ST6GALNAC5: variants seen among roughly 807,000 people sequenced by gnomAD.
ST6GALNAC5 encodes the protein alpha-N-acetylgalactosaminide alpha-2,6-sialyltransferase 5.
Under a neutral mutation model 33.6 loss-of-function variants are expected in ST6GALNAC5, and 27 were observed. The ratio of observed to expected loss-of-function variants is 0.80; its 90% CI spans 0.59 to 1.11. ST6GALNAC5 has a LOEUF of 1.11. Among genes scored for constraint, ST6GALNAC5 ranks in the 50% least tolerant of loss-of-function variants. The probability of loss-of-function intolerance (pLI) is 0.00; values close to 1 mark genes in which losing one functional copy is unlikely to be tolerated. For missense variants in ST6GALNAC5, 428 were observed against 454.0 expected (o/e 0.94, Z 0.52); for synonymous variants, 194 against 171.2 (o/e 1.13, Z -1.04).
intron 2 of ST6GALNAC5, among the ~76,000 whole-genome samples, chr1:77,001,094 G>C (rs1264427482): frequency 6.6e-6 from 1 of 151,938 alleles, no homozygotes; most frequent in Admixed American, 6.6e-5. Flanking sequence ...GTATGGTCAT[G>C]TTCACGATAT....
intron 2 of ST6GALNAC5, among the ~76,000 whole-genome samples, chr1:76,899,424 G>A (rs111804336): frequency 5.3e-5 from 8 of 152,028 alleles, no homozygotes; most frequent in African/African-American, 1.9e-4. Flanking sequence ...ATAAGGGATC[G>A]GGGCACAGAG....
chr1:76,938,618 C>T (rs568781331), intron 2 of ST6GALNAC5, among the ~76,000 whole-genome samples: 2 of 152,050 alleles, frequency 1.3e-5, no homozygotes, highest in Non-Finnish European at 2.9e-5. Flanking sequence ...TCCTCTGCCC[C>T]CCTTCAAACA....
intron 2 of ST6GALNAC5, among the ~76,000 whole-genome samples, chr1:76,872,340 T>C (rs1292631624): frequency 1.3e-5 from 2 of 152,148 alleles, no homozygotes; most frequent in Non-Finnish European, 2.9e-5. Flanking sequence ...GACTGCCCTT[T>C]ACTGAAATGG....
At chr1:76,992,352 T>A (rs141366944) in intron 2 of ST6GALNAC5, among the ~76,000 whole-genome samples, 2,866 of 152,330 alleles carry the variant, frequency 0.019, 44 homozygotes, top group Non-Finnish European at 0.029. Flanking sequence ...TGCCACCACC[T>A]TCACATAGGT....
chr1:76,955,813 T>C (rs2100343164), intron 2 of ST6GALNAC5, among the ~76,000 whole-genome samples: 1 of 152,324 alleles, frequency 6.6e-6, no homozygotes, highest in South Asian at 2.1e-4. Context: ...AAGTGTCCTC[T>C]GACTTATTGA....
chr1:76,915,696 G>T (rs1450358357), intron 2 of ST6GALNAC5, among the ~76,000 whole-genome samples: 1 of 148,772 alleles, frequency 6.7e-6, no homozygotes, highest in Non-Finnish European at 1.5e-5. Flanking sequence ...ACTGTTGTGG[G>T]GTGAGGGGAG....
chr1:76,922,441 A>T (rs948257095), intron 2 of ST6GALNAC5, among the ~76,000 whole-genome samples: 2 of 152,184 alleles, frequency 1.3e-5, no homozygotes, highest in Admixed American at 1.3e-4. Context: ...CCCCAAATTT[A>T]TCTATAGATT....
intron 2 of ST6GALNAC5, among the ~76,000 whole-genome samples, chr1:76,902,416 T>G (rs1646826412): frequency 6.6e-6 from 1 of 152,116 alleles, no homozygotes; most frequent in African/African-American, 2.4e-5. Context: ...ACAAGAAGAT[T>G]TTAATCTTGT....
At chr1:76,907,221 T>G (rs1467039425) in intron 2 of ST6GALNAC5, among the ~76,000 whole-genome samples, 3 of 152,084 alleles carry the variant, frequency 2.0e-5, no homozygotes, top group Non-Finnish European at 4.4e-5. Context: ...ACCAAAACCA[T>G]TCTTTGGGTT....
intron 2 of ST6GALNAC5, among the ~76,000 whole-genome samples, chr1:76,894,007 GC>G (rs1654070047): frequency 6.6e-6 from 1 of 152,128 alleles, no homozygotes; most frequent in Non-Finnish European, 1.5e-5. Flanking sequence ...CTGAGATGTG[GC>G]CATGGCACAC....
At chr1:77,053,693 G>A (rs1016367195) in intron 4 of ST6GALNAC5, among the ~76,000 whole-genome samples, 1 of 152,122 alleles carries the variant, frequency 6.6e-6, no homozygotes, top group Non-Finnish European at 1.5e-5. Context: ...GAGTTTATAC[G>A]ATAATTGCAT....
intron 2 of ST6GALNAC5, among the ~76,000 whole-genome samples, chr1:76,879,083 G>A (rs1201644672): frequency 6.6e-6 from 1 of 152,130 alleles, no homozygotes; most frequent in African/African-American, 2.4e-5. Flanking sequence ...AAAAACATAA[G>A]TGCTGCCCTC....
At chr1:77,001,804 G>A (rs546051061) in intron 2 of ST6GALNAC5, among the ~76,000 whole-genome samples, 8,726 of 149,900 alleles carry the variant, frequency 0.058, 489 homozygotes, top group African/African-American at 0.14. Context: ...ATTTATTTGC[G>A]TATATTGAAC....
intron 2 of ST6GALNAC5, among the ~76,000 whole-genome samples, chr1:76,948,626 A>AGAGAGAGAGAGAGAGAG (rs56311943): frequency 5.4e-5 from 8 of 148,244 alleles, no homozygotes; most frequent in South Asian, 2.2e-4. Context: ...AGAGAGAGAG[A>AGAGAGAGAGAGAGAGAG]ACTACTGAAA....
intron 4 of ST6GALNAC5, among the ~76,000 whole-genome samples, chr1:77,052,059 G>A (rs1652237925): frequency 6.6e-6 from 1 of 152,178 alleles, no homozygotes; most frequent in South Asian, 2.1e-4. Flanking sequence ...TACTAACAAA[G>A]AAATTAAGAT....
chr1:76,867,846 G>T (rs978082560), intron 1 of ST6GALNAC5, among the ~76,000 whole-genome samples, 156 bp downstream of exon 1: 2 of 151,922 alleles, frequency 1.3e-5, no homozygotes, highest in East Asian at 2.0e-4. Context: ...GTTCCCTCCC[G>T]ATTCTCCAGC....
chr1:77,045,461 A>G (rs1245196896), intron 3 of ST6GALNAC5, among the ~76,000 whole-genome samples: 1 of 152,254 alleles, frequency 6.6e-6, no homozygotes, highest in Non-Finnish European at 1.5e-5. Context: ...CTGTGAATGT[A>G]AAATAAATAT....
chr1:76,981,305 G>A (rs1649242058), intron 2 of ST6GALNAC5, among the ~76,000 whole-genome samples: 1 of 152,222 alleles, frequency 6.6e-6, no homozygotes, highest in Non-Finnish European at 1.5e-5. Context: ...CTTTTCCCAA[G>A]GTCTTAGCAA....
chr1:76,951,482 T>C (rs778614857), intron 2 of ST6GALNAC5, among the ~76,000 whole-genome samples: 37 of 151,992 alleles, frequency 2.4e-4, no homozygotes, highest in Non-Finnish European at 4.0e-4. Context: ...TTTGGATCTG[T>C]AGTTATTGGG....
Sources: allele counts gnomAD v4.1 joint callset (sites outside exome capture counted in the v4.1 genomes callset), GRCh38; gene constraint gnomAD v4.1.1; transcripts MANE v1.5; gene names NCBI Gene and HGNC (gene_info 2026-07-23, HGNC 2026-07-21).